PSAT1: variants seen among roughly 807,000 people sequenced by gnomAD.
The protein encoded by PSAT1 is phosphoserine aminotransferase 1.
In PSAT1, 41 loss-of-function variants were observed where a neutral mutation model predicts 40.3. The observed-to-expected ratio is 1.02, with a 90% CI of 0.79 to 1.32. PSAT1 has a LOEUF of 1.32. Among genes scored for constraint, PSAT1 ranks in the 40% most tolerant of loss-of-function variants. The probability of loss-of-function intolerance (pLI) is 0.00; values close to 1 mark genes in which losing one functional copy is unlikely to be tolerated. For synonymous variants in PSAT1, 147 were observed against 170.5 expected, an observed-to-expected ratio of 0.86 and a Z score of 1.07; for missense variants, 406 against 455.8, an observed-to-expected ratio of 0.89 and a Z score of 0.99.
intron 1 of PSAT1, among the ~76,000 whole-genome samples, chr9:78,300,146 C>T (rs1587632100): frequency 6.6e-6 from 1 of 152,322 alleles, no homozygotes; most frequent in East Asian, 1.9e-4. Context: ...TTATTCACAG[C>T]AGGCTCTTCC....
chr9:78,324,509 A>G (rs1362538119), intron 7 of PSAT1, among the ~76,000 whole-genome samples: 1 of 152,210 alleles, frequency 6.6e-6, no homozygotes, highest in African/African-American at 2.4e-5. Flanking sequence ...CAACCCATTC[A>G]AACAACAGAC....
intron 8 of PSAT1, among the ~76,000 whole-genome samples, chr9:78,328,622 GA>G (rs1828535687): frequency 1.8e-5 from 1 of 54,946 alleles, no homozygotes; most frequent in Non-Finnish European, 2.8e-5. Flanking sequence ...CCTCACATGA[GA>G]ATAGCCCAGC....
chr9:78,326,097 A>G (rs1194713741), intron 7 of PSAT1, among the ~76,000 whole-genome samples: 1 of 152,128 alleles, frequency 6.6e-6, no homozygotes, highest in Non-Finnish European at 1.5e-5. Flanking sequence ...TTCAGGCTCA[A>G]AGTCTTTTCC....
intron 4 of PSAT1, among the ~76,000 whole-genome samples, chr9:78,306,046 T>C (rs1252841684): frequency 6.6e-6 from 1 of 152,158 alleles, no homozygotes; most frequent in African/African-American, 2.4e-5. Context: ...TATGGGCACA[T>C]ACCACCATGC....
chr9:78,297,990 C>A lies in PSAT1; in HGVS notation c.60+720C>A, dbSNP rs562913249. ...CCCCTCCTTTTTTTAACCTGCTTGT[C>A]CCCTAAAGGCGTTCGAGTATTCTAA... On this transcript the variant is annotated intron_variant, in intron 1 of 8. Transcript: ENST00000376588. Among the ~76,000 whole-genome samples the A allele has an allele frequency of 1.3e-4, 20 of 151,856 alleles. No individual in the cohort carries two copies. The South Asian group carries it at 4.2e-3, about 32-fold the overall frequency.
chr9:78,304,709 T>C, intron 3 of PSAT1, 26 bp from the exon 4 acceptor site: 1 of 1,585,870 alleles, frequency 6.3e-7, no homozygotes. Flanking sequence ...GTTTATGTAT[T>C]GACTGTTACC....
At position 78,297,143 on chromosome 9, in the gene PSAT1, G is replaced by T. The variant is rs1564010843; in HGVS notation, c.-68G>T. On this transcript the variant is annotated 5_prime_UTR_variant, in exon 1 of 9. Transcript: ENST00000376588. ...GCCGGCTGCAGACTCTCACCGCAGCGGCCAGGAACGCCAGCCGTTCACGCG... is the reference window on the plus strand; with the variant it reads ...GCCGGCTGCAGACTCTCACCGCAGCTGCCAGGAACGCCAGCCGTTCACGCG... 6 of 1,494,494 alleles carry T rather than the reference G, an allele frequency of 4.0e-6. No individual in the cohort carries two copies. Among genetic ancestry groups the T allele is most frequent in the East Asian group, 4.8e-5 (2 of 41,484 alleles). 92.6% of individuals were successfully genotyped at this position (1,494,494 alleles called of 1,614,324 possible).
chr9:78,306,585 G>T, intron 5 of PSAT1, 99 bp downstream of exon 5: 2 of 1,475,250 alleles, frequency 1.4e-6, no homozygotes, highest in Non-Finnish European at 1.9e-6. Flanking sequence ...GGTGTTTGAG[G>T]CCTGCAGAAC....
intron 3 of PSAT1, among the ~76,000 whole-genome samples, chr9:78,303,904 T>G (rs1828143097): frequency 6.6e-6 from 1 of 152,236 alleles, no homozygotes; most frequent in South Asian, 2.1e-4. Flanking sequence ...CTTGTCCTTT[T>G]GGAGCTGGGC....
intron 6 of PSAT1, among the ~76,000 whole-genome samples, chr9:78,310,989 T>C (rs556505562): frequency 2.6e-5 from 4 of 152,364 alleles, no homozygotes; most frequent in South Asian, 4.1e-4. Context: ...CCTCACATTG[T>C]GTCTCCCACT....
intron 6 of PSAT1, among the ~76,000 whole-genome samples, chr9:78,313,058 A>C (rs1389347946): frequency 1.3e-5 from 2 of 152,160 alleles, no homozygotes; most frequent in African/African-American, 4.8e-5. Context: ...TTGCTTTAAA[A>C]AATTTATAAC....
chr9:78,317,262 T>C (rs1220948787), intron 6 of PSAT1, among the ~76,000 whole-genome samples: 1 of 151,708 alleles, frequency 6.6e-6, no homozygotes, highest in Non-Finnish European at 1.5e-5. Context: ...TCTTTCTTTA[T>C]TTTTTTTGGA....
intron 7 of PSAT1, among the ~76,000 whole-genome samples, chr9:78,318,828 G>A (rs62565651): frequency 0.091 from 13,905 of 152,174 alleles, 682 homozygotes; most frequent in Middle Eastern, 0.13. Flanking sequence ...CCTTTTCAGG[G>A]TCACCATTCA....
In PSAT1 at chr9:78,301,136, T is replaced by G. The variant is rs868576906; in HGVS notation, c.121+474T>G. Among the ~76,000 whole-genome samples, 24 of 152,270 alleles carry G rather than the reference T, an allele frequency of 1.6e-4. No individual in the cohort carries two copies. In the Middle Eastern group the frequency reaches 0.01, roughly 65 times the overall value. On this transcript the variant is annotated intron_variant, in intron 2 of 8. Coordinates refer to ENST00000376588, the MANE Select transcript of PSAT1 (RefSeq NM_058179.4). ...GATACATTTTTAAACTTTAATAGCT[T>G]GGGTTGCATGTCTGATAGAAACCAT...
intron 4 of PSAT1, among the ~76,000 whole-genome samples, chr9:78,305,943 G>C (rs1390511128): frequency 6.6e-6 from 1 of 152,194 alleles, no homozygotes; most frequent in East Asian, 1.9e-4. Flanking sequence ...TTGGAGTACA[G>C]TGGCTCTTCA....
chr9:78,324,763 G>A (rs947689739), intron 7 of PSAT1, among the ~76,000 whole-genome samples: 5 of 151,934 alleles, frequency 3.3e-5, no homozygotes, highest in Non-Finnish European at 5.9e-5. Context: ...AAAAAAAAAA[G>A]GGAGAGCCTC....
At chr9:78,306,220 A>G in intron 4 of PSAT1, 94 bp from the exon 5 acceptor site, 1 of 1,339,340 alleles carries the variant, frequency 7.5e-7, no homozygotes, top group Non-Finnish European at 1.1e-6. Flanking sequence ...TTTCCCTGCT[A>G]GGGGAGGCCT....
chr9:78,303,752 C>G (rs1828140686), intron 3 of PSAT1, among the ~76,000 whole-genome samples: 1 of 152,164 alleles, frequency 6.6e-6, no homozygotes. Context: ...ACCCCATTCC[C>G]CAAGACCCTG....
At position 78,314,973 on chromosome 9, in the gene PSAT1, C is replaced by T. The variant is rs374575541; in HGVS notation, c.741-2703C>T. On this transcript the variant is annotated intron_variant, in intron 6 of 8. Coordinates refer to ENST00000376588, the MANE Select transcript of PSAT1 (RefSeq NM_058179.4). Reference sequence around the variant, plus strand: ...TTCAATCACATGGCAGGGTGTGTTTCTGTGGTTCTGTGTGGAGGTGGGGGG... The same window carrying T: ...TTCAATCACATGGCAGGGTGTGTTTTTGTGGTTCTGTGTGGAGGTGGGGGG... 6.3e-4 allele frequency among the ~76,000 whole-genome samples: 96 copies of T among 152,044 alleles called. 2 individuals are homozygous for T. The South Asian group carries it at 0.02, about 32-fold the overall frequency.
Sources: gnomAD v4.1 joint callset for allele counts (sites outside exome capture counted in the v4.1 genomes callset) on GRCh38, gnomAD v4.1.1 for gene constraint, MANE v1.5 for transcripts, NCBI Gene and HGNC (gene_info 2026-07-23, HGNC 2026-07-21) for gene names.